Variants in KLHL22 observed in about 807,000 individuals in gnomAD.
The protein encoded by KLHL22 is kelch-like protein 22.
In KLHL22, 18 loss-of-function variants were observed where a neutral mutation model predicts 60.7. The ratio of observed to expected loss-of-function variants is 0.30; its 90% confidence interval spans 0.20 to 0.44. The LOEUF is 0.44. KLHL22 is among the 20% of genes least tolerant of loss of function. The probability of loss-of-function intolerance (pLI) is 1.00; values close to 1 mark genes in which losing one functional copy is unlikely to be tolerated. For missense variants in KLHL22, 596 were observed against 852.3 expected, an observed-to-expected ratio of 0.70 and a Z score of 3.74; for synonymous variants, 355 against 354.5, an observed-to-expected ratio of 1.00 and a Z score of -0.01.
chr22:20,458,475 G>A (rs146492332), intron 4 of KLHL22, among the ~76,000 whole-genome samples: 63 of 121,250 alleles, frequency 5.2e-4, no homozygotes, highest in African/African-American at 1.6e-3. Context: ...TTTTGATAGA[G>A]ACAAGGTCTT....
intron 5 of KLHL22, among the ~76,000 whole-genome samples, chr22:20,453,181 C>G (rs568525453): frequency 6.6e-6 from 1 of 151,738 alleles, no homozygotes; most frequent in South Asian, 2.1e-4. Context: ...CTGACCTGTA[C>G]TACAGAGTTA....
At chr22:20,470,366 T>C (rs1019989121) in intron 3 of KLHL22, among the ~76,000 whole-genome samples, 5 of 133,396 alleles carry the variant, frequency 3.7e-5, no homozygotes, top group Non-Finnish European at 8.0e-5. Flanking sequence ...AAAAAAAAAA[T>C]AGGCCAGGCG....
intron 4 of KLHL22, among the ~76,000 whole-genome samples, chr22:20,460,883 C>A (rs1187994102): frequency 5.9e-5 from 9 of 152,160 alleles, no homozygotes; most frequent in African/African-American, 2.2e-4. Context: ...TCCCCCAAAA[C>A]CCCTATGTTG....
At position 20,441,986 on chromosome 22, in the gene KLHL22, G is replaced by A. The variant is rs2052765258; in HGVS notation, c.*87C>T. On this transcript the variant is annotated 3_prime_UTR_variant, in exon 7 of 7. Coordinates refer to ENST00000328879, the MANE Select transcript of KLHL22 (RefSeq NM_032775.4). The stretch of plus-strand genomic sequence containing the variant: ...GCCAACAGGGGCAGGGGCCCTGCCT[G>A]GAGTAAAGTGCTCTGGCCTAGGCTG... The A allele has an allele frequency of 3.7e-6, 5 of 1,355,458 alleles. No homozygotes were observed. The South Asian group carries it at 8.8e-5, about 24-fold the overall frequency. The allele number at this position is 1,355,458 out of a possible 1,614,324, so 84.0% of individuals were successfully genotyped here.
At chr22:20,448,793 G>A (rs2052923872) in intron 5 of KLHL22, among the ~76,000 whole-genome samples, 1 of 152,126 alleles carries the variant, frequency 6.6e-6, no homozygotes, top group Non-Finnish European at 1.5e-5. Flanking sequence ...TGCCAGATCT[G>A]TTTTCCAGAG....
chr22:20,447,025 C>T (rs1320906237), intron 5 of KLHL22, among the ~76,000 whole-genome samples: 1 of 152,124 alleles, frequency 6.6e-6, no homozygotes, highest in Admixed American at 6.5e-5. Context: ...CCCTGGGGAC[C>T]GCTGACCCAC....
At chr22:20,489,316 C>T (rs993867492) in intron 1 of KLHL22, 72 bp from the exon 2 acceptor site, 8 of 1,098,036 alleles carry the variant, frequency 7.3e-6, no homozygotes, top group African/African-American at 3.1e-5. Context: ...GACTGGCCAG[C>T]TCTGTTGCTC....
chr22:20,454,366 T>C (rs2053029684), intron 5 of KLHL22, among the ~76,000 whole-genome samples: 1 of 152,012 alleles, frequency 6.6e-6, no homozygotes, highest in East Asian at 1.9e-4. Flanking sequence ...AAAAAGCTTA[T>C]TGTGCATGTA....
intron 1 of KLHL22, among the ~76,000 whole-genome samples, chr22:20,490,136 T>C (rs906519347): frequency 6.6e-6 from 1 of 152,222 alleles, no homozygotes; most frequent in Non-Finnish European, 1.5e-5. Context: ...CTGCAGGCTC[T>C]GTAGGCACAG....
chr22:20,471,288 T>A, intron 3 of KLHL22, 62 bp downstream of exon 3: 1 of 1,517,778 alleles, frequency 6.6e-7, no homozygotes, highest in Non-Finnish European at 9.0e-7. Flanking sequence ...GCAGGCATCA[T>A]GGGCATCTCA....
intron 5 of KLHL22, among the ~76,000 whole-genome samples, chr22:20,452,812 G>A (rs1013475186): frequency 2.6e-5 from 4 of 152,176 alleles, no homozygotes; most frequent in Admixed American, 6.5e-5. Flanking sequence ...GACTGGGAGT[G>A]ACAGTAGCCT....
chr22:20,480,276 C>T (rs1324823494), intron 2 of KLHL22, among the ~76,000 whole-genome samples: 1 of 152,140 alleles, frequency 6.6e-6, no homozygotes, highest in African/African-American at 2.4e-5. Flanking sequence ...AGATCTGTTT[C>T]GTAATAATGT....
intron 5 of KLHL22, among the ~76,000 whole-genome samples, chr22:20,454,196 G>T (rs944446681): frequency 6.6e-6 from 1 of 152,034 alleles, no homozygotes; most frequent in Admixed American, 6.5e-5. Flanking sequence ...GGGCATGGTG[G>T]TGCTCACCTG....
chr22:20,458,013 A>G lies in KLHL22; in HGVS notation c.1113-13T>C. ...CCGTGGGTCATACCTGTGCCGAGAC[A>G]TGAGGAAAGCACAGCACTGACTAGG... is the stretch of plus-strand genomic sequence containing the variant. On this transcript the variant is annotated splice_polypyrimidine_tract_variant and intron_variant, in intron 4 of 6. Transcript: ENST00000328879. 1.2e-6 allele frequency: 2 copies of G among 1,613,706 alleles called. No homozygotes were observed. Among genetic ancestry groups the G allele is most frequent in the Non-Finnish European group, 1.7e-6 (2 of 1,179,804 alleles).
At chr22:20,486,166 CAA>C (rs200248872) in intron 2 of KLHL22, among the ~76,000 whole-genome samples, 16 of 82,606 alleles carry the variant, frequency 1.9e-4, no homozygotes, top group African/African-American at 3.6e-4. Context: ...GATTCCGTCT[CAA>C]AAAAAAAAAA....
At chr22:20,451,613 C>T (rs2052980291) in intron 5 of KLHL22, 1 of 1,599,972 alleles carries the variant, frequency 6.3e-7, no homozygotes, top group Admixed American at 1.7e-5. Context: ...CGCACTGATT[C>T]CCGGACAACT....
At chr22:20,490,030 A>T (rs1053780393) in intron 1 of KLHL22, among the ~76,000 whole-genome samples, 1 of 152,234 alleles carries the variant, frequency 6.6e-6, no homozygotes, top group Non-Finnish European at 1.5e-5. Context: ...ACCTACTGCA[A>T]ATGCACTTTT....
chr22:20,474,764 T>C (rs1055065407), intron 2 of KLHL22, among the ~76,000 whole-genome samples: 1 of 152,260 alleles, frequency 6.6e-6, no homozygotes, highest in Admixed American at 6.5e-5. Context: ...TTATTTCACA[T>C]GATGAACATC....
intron 2 of KLHL22, among the ~76,000 whole-genome samples, chr22:20,472,438 A>C (rs2053342112): frequency 6.6e-6 from 1 of 151,688 alleles, no homozygotes; most frequent in Non-Finnish European, 1.5e-5. Flanking sequence ...AAAAATTACA[A>C]AAATTGGCCG....
Sources: allele counts gnomAD v4.1 joint callset (sites outside exome capture counted in the v4.1 genomes callset), GRCh38; gene constraint gnomAD v4.1.1; transcripts MANE v1.5; gene names NCBI Gene and HGNC (gene_info 2026-07-23, HGNC 2026-07-21).